The following PPARD variants were observed in gnomAD, a reference collection of about 807,000 sequenced individuals.
PPARD encodes peroxisome proliferator activated receptor delta.
A neutral mutation model predicts 39.5 loss-of-function variants in PPARD; 6 were observed. The observed-to-expected ratio is 0.15, with a 90% CI of 0.08 to 0.30. The LOEUF (loss-of-function observed/expected upper bound fraction) is 0.30. Ranked by LOEUF, PPARD falls within the 10% of genes least tolerant of loss-of-function variation. The pLI is 1.00. For missense variants in PPARD, 397 were observed against 596.8 expected, an observed-to-expected ratio of 0.67 and a Z score of 3.49; for synonymous variants, 210 against 231.3, an observed-to-expected ratio of 0.91 and a Z score of 0.83.
chr6:35,392,335 G>A (rs774233440), intron 2 of PPARD, among the ~76,000 whole-genome samples: 4 of 152,154 alleles, frequency 2.6e-5, no homozygotes, highest in Non-Finnish European at 5.9e-5. Flanking sequence ...GCTGGGAGGC[G>A]GGCTGTTGGA....
chr6:35,364,986 G>A (rs1213850227), intron 2 of PPARD, among the ~76,000 whole-genome samples: 1 of 151,952 alleles, frequency 6.6e-6, no homozygotes, highest in Non-Finnish European at 1.5e-5. Flanking sequence ...TGGGATTACA[G>A]GCGTGAGCCA....
intron 2 of PPARD, among the ~76,000 whole-genome samples, chr6:35,395,075 G>A (rs1294827946): frequency 1.3e-5 from 2 of 152,184 alleles, no homozygotes; most frequent in Admixed American, 6.5e-5. Context: ...CCCACTTGCT[G>A]TCTTCGCACC....
chr6:35,406,433 A>G (rs1765053707), intron 2 of PPARD, among the ~76,000 whole-genome samples: 1 of 152,190 alleles, frequency 6.6e-6, no homozygotes. Context: ...AGGGTAGATG[A>G]CAGACCTCAG....
intron 2 of PPARD, among the ~76,000 whole-genome samples, chr6:35,355,902 T>C (rs1761585692): frequency 6.6e-6 from 1 of 151,838 alleles, no homozygotes; most frequent in Non-Finnish European, 1.5e-5. Context: ...TGAGCCACGA[T>C]GCCCGACCTC....
At chr6:35,376,739 C>T (rs980507990) in intron 2 of PPARD, among the ~76,000 whole-genome samples, 24 of 151,860 alleles carry the variant, frequency 1.6e-4, no homozygotes, top group Admixed American at 3.3e-4. Flanking sequence ...GGTGACCTCC[C>T]GCCGGGCATG....
At chr6:35,391,400 G>C (rs1763993242) in intron 2 of PPARD, among the ~76,000 whole-genome samples, 1 of 152,206 alleles carries the variant, frequency 6.6e-6, no homozygotes, top group Admixed American at 6.5e-5. Flanking sequence ...ATATCTGTTG[G>C]ATTGTTTCCT....
At chr6:35,370,790 T>A (rs940074229) in intron 2 of PPARD, among the ~76,000 whole-genome samples, 79 of 152,030 alleles carry the variant, frequency 5.2e-4, no homozygotes, top group African/African-American at 1.6e-3. Flanking sequence ...GATAAATATG[T>A]GGAATGGATG....
chr6:35,400,807 AAAAG>A lies in PPARD; in HGVS notation c.-101-10176_-101-10173del, dbSNP rs542716338. Among the ~76,000 whole-genome samples, 14 of 152,060 alleles carry A rather than the reference AAAAG, an allele frequency of 9.2e-5. No individual in the cohort carries two copies. The East Asian group carries it at 1.9e-3, about 21-fold the overall frequency. ...AGGGAGATCTTGTCTTAAAAAAAAA[AAAAG>A]AAAAGAAAAAGGTATAAGTGGTGGT... is the stretch of plus-strand genomic sequence containing the variant. On this transcript the variant is annotated intron_variant, in intron 2 of 7. Coordinates refer to ENST00000360694, the MANE Select transcript of PPARD (RefSeq NM_006238.5).
intron 2 of PPARD, among the ~76,000 whole-genome samples, chr6:35,394,425 A>T (rs1402762046): frequency 2.0e-5 from 3 of 152,122 alleles, no homozygotes. Flanking sequence ...ACCTTTTTTT[A>T]AAAAACTTGC....
chr6:35,351,674 G>T (rs58114880), intron 2 of PPARD, among the ~76,000 whole-genome samples: 1 of 151,726 alleles, frequency 6.6e-6, no homozygotes, highest in African/African-American at 2.4e-5. Context: ...CTGCCTCAGC[G>T]TCCAGAGTAG....
chr6:35,393,287 T>C (rs1280656445), intron 2 of PPARD, among the ~76,000 whole-genome samples: 1 of 152,188 alleles, frequency 6.6e-6, no homozygotes, highest in East Asian at 1.9e-4. Flanking sequence ...ACAGGGTTTA[T>C]AGACAGACTC....
chr6:35,392,261 G>C (rs1764052964), intron 2 of PPARD, among the ~76,000 whole-genome samples: 1 of 152,178 alleles, frequency 6.6e-6, no homozygotes, highest in Non-Finnish European at 1.5e-5. Context: ...GTGGCTCAGA[G>C]AAGTGAAGCA....
chr6:35,380,539 A>G (rs1294564361), intron 2 of PPARD, among the ~76,000 whole-genome samples: 2 of 117,114 alleles, frequency 1.7e-5, no homozygotes, highest in African/African-American at 6.2e-5. Context: ...CCCAGGCTGT[A>G]GTGCAGTAGC....
At chr6:35,406,401 G>A (rs1765051602) in intron 2 of PPARD, among the ~76,000 whole-genome samples, 1 of 152,214 alleles carries the variant, frequency 6.6e-6, no homozygotes, top group Admixed American at 6.5e-5. Context: ...GGCAAGCTGA[G>A]AACAGGGAGC....
chr6:35,379,096 CTTTT>C (rs966712151), intron 2 of PPARD, among the ~76,000 whole-genome samples: 4 of 134,464 alleles, frequency 3.0e-5, no homozygotes, highest in East Asian at 2.1e-4. Flanking sequence ...TCTTTTCTTT[CTTTT>C]TTTTTTTTTT....
chr6:35,349,563 T>C (rs1421213909), intron 2 of PPARD, among the ~76,000 whole-genome samples: 7 of 152,138 alleles, frequency 4.6e-5, no homozygotes, highest in Non-Finnish European at 7.4e-5. Flanking sequence ...CTGCATGCAG[T>C]CATGGGCCAT....
intron 2 of PPARD, among the ~76,000 whole-genome samples, chr6:35,351,285 A>G (rs933928789): frequency 9.2e-5 from 14 of 152,152 alleles, no homozygotes; most frequent in African/African-American, 3.4e-4. Flanking sequence ...TCGGCCTCCC[A>G]AAGTGCTGGG....
rs1562190411 is a variant in PPARD, at chr6:35,380,489, T to TG, written c.-101-30498_-101-30497insG. On this transcript the variant is annotated intron_variant, in intron 2 of 7. Transcript: ENST00000360694. ...TTTTTTTTGTTTGTTTTTTTTTTTT[T>TG]TTTTTTTTTTTTTTTTTGAGACAAG... Among the ~76,000 whole-genome samples, 459 of 128,538 alleles carry TG rather than the reference T, an allele frequency of 3.6e-3. 5 individuals are homozygous for TG. Among genetic ancestry groups the TG allele is most frequent in the African/African-American group, 0.013 (356 of 28,378 alleles). The allele number at this position is 128,538 out of a possible 152,430, so 84.3% of individuals were successfully genotyped here. A position where few individuals can be genotyped will look rare whatever the true frequency, so the allele number is the denominator to read the frequency against.
At chr6:35,397,536 A>G in intron 2 of PPARD, 1 of 985,448 alleles carries the variant, frequency 1.0e-6, no homozygotes, top group Non-Finnish European at 1.2e-6. Context: ...AAGCAGGGTC[A>G]GATACCCCTG....
Sources: gnomAD v4.1 joint callset for allele counts (sites outside exome capture counted in the v4.1 genomes callset) on GRCh38, gnomAD v4.1.1 for gene constraint, MANE v1.5 for transcripts, NCBI Gene and HGNC (gene_info 2026-07-23, HGNC 2026-07-21) for gene names.